The following LYPD8 variants were observed in gnomAD, a reference collection of about 807,000 sequenced individuals.
LYPD8 encodes the protein ly6/PLAUR domain-containing protein 8.
Under a neutral mutation model 1.7 loss-of-function variants are expected in LYPD8, and 8 were observed. The ratio of observed to expected loss-of-function variants is 4.58; its 90% CI spans 2.69 to 8.27. The LOEUF (loss-of-function observed/expected upper bound fraction) is 8.27, where lower values mean the gene tolerates loss of function less well. LYPD8 is among the 30% of genes most tolerant of loss of function. LYPD8 has a pLI of 0.00. For synonymous variants in LYPD8, 50 were observed against 43.6 expected (o/e 1.15, Z -0.58); for missense variants, 112 against 102.3 (o/e 1.09, Z -0.41).
intron 5 of LYPD8, 63 bp from the exon 6 acceptor site, chr1:248,745,342 T>A: frequency 5.0e-6 from 2 of 397,796 alleles, no homozygotes; most frequent in East Asian, 7.1e-5. Context: ...AGGAAGGGGA[T>A]AGGCAAGCAA....
chr1:248,743,148 G>A (rs1214696751), intron 6 of LYPD8, among the ~76,000 whole-genome samples: 2 of 152,040 alleles, frequency 1.3e-5, no homozygotes, highest in Non-Finnish European at 2.9e-5. Flanking sequence ...GAAAAAAAAT[G>A]TGTATTTAAA....
intron 2 of LYPD8, among the ~76,000 whole-genome samples, chr1:248,753,767 TCA>T: frequency 8.7e-6 from 1 of 115,078 alleles, no homozygotes; most frequent in South Asian, 3.1e-4. Context: ...ACACACCACA[TCA>T]CACACACACC....
At chr1:248,755,064 A>G (rs1662900185) in intron 2 of LYPD8, among the ~76,000 whole-genome samples, 175 bp downstream of exon 2, 1 of 152,222 alleles carries the variant, frequency 6.6e-6, no homozygotes. Context: ...ACCTGAAACT[A>G]GCCTCATTTT....
rs1553283036 is a variant in LYPD8 at position 248,739,645 on chromosome 1, A to G, written c.680T>C (p.Leu227Pro). The G allele has an allele frequency of 6.4e-7, 1 of 1,551,602 alleles. No individual in the cohort carries two copies. Among genetic ancestry groups the G allele is most frequent in the African/African-American group, 1.4e-5 (1 of 73,068 alleles). The change falls in exon 7 of 7, where the codon CTT becomes CCT. Residue 227 changes from leucine to proline, a missense_variant. Coordinates refer to ENST00000590317, the MANE Select transcript of LYPD8 (RefSeq NM_001085474.2). The surrounding 1 kb of genome is among the most constrained non-coding windows in gnomAD (Gnocchi z 4.3). The stretch of plus-strand genomic sequence containing the variant: ...CAGTCCCCGAAGAAGGAGGCTGGCA[A>G]GGGCCAAGAGGTAGAGGGAAGCTTT... Reference protein sequence around the residue: ...GSKASLYLLALASLLLRGLLP With the variant: ...GSKASLYLLAPASLLLRGLLP
At chr1:248,751,992 C>G (rs1396902908) in intron 2 of LYPD8, among the ~76,000 whole-genome samples, 3 of 152,122 alleles carry the variant, frequency 2.0e-5, no homozygotes, top group Non-Finnish European at 4.4e-5. Flanking sequence ...TTCCAGAATT[C>G]CAACTTGCTT....
intron 4 of LYPD8, 68 bp from the exon 5 acceptor site, chr1:248,748,521 G>A (rs1479878009): frequency 2.5e-6 from 1 of 398,990 alleles, no homozygotes; most frequent in East Asian, 3.6e-5. Context: ...TGGAGACCCA[G>A]AATAGCAACT....
At chr1:248,753,222 C>CA (rs1558208952) in intron 2 of LYPD8, among the ~76,000 whole-genome samples, 76 of 94,808 alleles carry the variant, frequency 8.0e-4, no homozygotes, top group South Asian at 1.4e-3. Context: ...ACACACCACA[C>CA]CACACACACA....
chr1:248,755,578 C>T (rs1240654894), intron 1 of LYPD8, 127 bp downstream of exon 1: 1 of 152,320 alleles, frequency 6.6e-6, no homozygotes, highest in Non-Finnish European at 1.5e-5. Context: ...TAGGGCAATG[C>T]CAAAGGAGCA....
rs1662558751 is a variant in LYPD8 at position 248,739,914 on chromosome 1, C to T, written c.476-65G>A. ...CTTTGTCCTTCCACCCACGCCTGCT[C>T]TTAGTTCTTCACCTGCAGCACGGTG... On this transcript the variant is annotated intron_variant, in intron 6 of 6. Coordinates refer to ENST00000590317, the MANE Select transcript of LYPD8 (RefSeq NM_001085474.2). This position sits in a 1 kb window ranked among gnomAD's most constrained non-coding sequence, Gnocchi z 4.3. 1 of 1,538,098 alleles carries T rather than the reference C, an allele frequency of 6.5e-7. No individual in the cohort carries two copies. Among genetic ancestry groups the T allele is most frequent in the Non-Finnish European group, 8.8e-7 (1 of 1,140,362 alleles).
At chr1:248,741,698 G>T (rs1553283349) in intron 6 of LYPD8, among the ~76,000 whole-genome samples, 1 of 152,198 alleles carries the variant, frequency 6.6e-6, no homozygotes, top group Non-Finnish European at 1.5e-5. Flanking sequence ...CAGAGCTGGG[G>T]ACAAGATAAG....
intron 4 of LYPD8, among the ~76,000 whole-genome samples, chr1:248,749,071 T>A (rs1022852198): frequency 1.6e-4 from 24 of 152,242 alleles, no homozygotes; most frequent in African/African-American, 5.5e-4. Flanking sequence ...TGATTACCTA[T>A]ACAAGAAACA....
intron 1 of LYPD8, 144 bp downstream of exon 1, chr1:248,755,561 G>A (rs1184749631): frequency 1.3e-5 from 2 of 152,354 alleles, no homozygotes; most frequent in African/African-American, 2.4e-5. Context: ...CTGAGCATAC[G>A]ACTGCCTAGG....
intron 5 of LYPD8, among the ~76,000 whole-genome samples, chr1:248,745,942 G>A (rs909134000): frequency 4.6e-5 from 7 of 152,178 alleles, no homozygotes; most frequent in Non-Finnish European, 8.8e-5. Context: ...AATGTAAAGT[G>A]GAGTTTCCCA....
chr1:248,740,452 C>A (rs116016780), intron 6 of LYPD8, among the ~76,000 whole-genome samples: 1,565 of 152,338 alleles, frequency 0.01, 20 homozygotes, highest in African/African-American at 0.025. Context: ...AGAAAAAGGC[C>A]TGGGGCATTT....
At chr1:248,741,121 A>G (rs1371835373) in intron 6 of LYPD8, among the ~76,000 whole-genome samples, 1 of 132,348 alleles carries the variant, frequency 7.6e-6, no homozygotes, top group Admixed American at 7.0e-5. Flanking sequence ...CTTGAACAGC[A>G]ACAACAACAA....
At chr1:248,753,405 A>ACACACAC (rs1295793025) in intron 2 of LYPD8, among the ~76,000 whole-genome samples, 3 of 115,874 alleles carry the variant, frequency 2.6e-5, no homozygotes, top group South Asian at 2.8e-4. Flanking sequence ...TACACATCAC[A>ACACACAC]CACACACCAC....
At chr1:248,740,057 C>A (rs2103164171) in intron 6 of LYPD8, 1 of 180,000 alleles carries the variant, frequency 5.6e-6, no homozygotes. Context: ...AGGTCAGAGG[C>A]CTAGACTCCC....
Position 248,739,801 on chromosome 1 carries a change from T to C in LYPD8, c.524A>G (p.Asn175Ser). ...LVLKGCSNVSNATCQFLSGEN... is the reference protein window; with the variant it reads ...LVLKGCSNVSSATCQFLSGEN... Reference sequence around the variant, plus strand: ...ACCAGACAGGAACTGACAGGTGGCGTTACTGACGTTGGAACAGCCTTTCAG... The same window carrying C: ...ACCAGACAGGAACTGACAGGTGGCGCTACTGACGTTGGAACAGCCTTTCAG... Residue 175 changes from asparagine (N) to serine (S), a missense_variant, in exon 7 of 7, where the codon AAC (asparagine) becomes AGC (serine). By Grantham distance (46) the Asn-to-Ser change is conservative (BLOSUM62 1). Coordinates refer to ENST00000590317, the MANE Select transcript of LYPD8 (RefSeq NM_001085474.2). The surrounding 1 kb of genome is among the most constrained non-coding windows in gnomAD (Gnocchi z 4.3). 2.6e-6 allele frequency: 4 copies of C among 1,551,736 alleles called. No individual in the cohort carries two copies. Among genetic ancestry groups the C allele is most frequent in the Non-Finnish European group, 3.5e-6 (4 of 1,146,996 alleles).
Position 248,739,924 on chromosome 1 carries a change from C to T in LYPD8, c.476-75G>A. 3.3e-6 allele frequency: 5 copies of T among 1,526,760 alleles called. No homozygotes were observed. The highest frequency in any genetic ancestry group is 4.4e-6 in the Non-Finnish European group (5 of 1,134,148). 94.6% of individuals were successfully genotyped at this position (1,526,760 alleles called of 1,614,324 possible). ...CCACCCACGCCTGCTCTTAGTTCTT[C>T]ACCTGCAGCACGGTGGCCCGGTGAC... is the stretch of plus-strand genomic sequence containing the variant. On this transcript the variant is annotated intron_variant, in intron 6 of 6. Coordinates refer to ENST00000590317, the MANE Select transcript of LYPD8 (RefSeq NM_001085474.2). This position sits in a 1 kb window ranked among gnomAD's most constrained non-coding sequence, Gnocchi z 4.3.
Sources: gnomAD v4.1 joint callset for allele counts (sites outside exome capture counted in the v4.1 genomes callset) on GRCh38, gnomAD v4.1.1 for gene constraint, Gnocchi (gnomAD v3.1) non-coding constraint, MANE v1.5 for transcripts, NCBI Gene and HGNC (gene_info 2026-07-23, HGNC 2026-07-21) for gene names.